NELL1: variants seen among roughly 807,000 people sequenced by gnomAD.
The protein encoded by NELL1 is neural EGFL like 1.
In NELL1, 76 loss-of-function variants were observed where a neutral mutation model predicts 107.4. The ratio of observed to expected loss-of-function variants is 0.71; its 90% confidence interval spans 0.59 to 0.86. NELL1 has a LOEUF of 0.86. Ranked by LOEUF, NELL1 falls within the 40% of genes least tolerant of loss-of-function variation. NELL1 has a pLI of 0.00. For synonymous variants in NELL1, 353 were observed against 341.2 expected, an observed-to-expected ratio of 1.03 and a Z score of -0.38; for missense variants, 1,024 against 1,005.5, an observed-to-expected ratio of 1.02 and a Z score of -0.25.
At chr11:21,065,871 G>T (rs1319137165) in intron 12 of NELL1, among the ~76,000 whole-genome samples, 1 of 152,112 alleles carries the variant, frequency 6.6e-6, no homozygotes, top group Admixed American at 6.6e-5. Flanking sequence ...TTTAAAGATC[G>T]AGTTATTTTC....
At chr11:21,359,297 G>A (rs1851017580) in intron 14 of NELL1, among the ~76,000 whole-genome samples, 1 of 152,136 alleles carries the variant, frequency 6.6e-6, no homozygotes, top group Non-Finnish European at 1.5e-5. Context: ...ACTTGTGTAT[G>A]TTAAACCATC....
At chr11:21,054,750 T>C (rs1383599516) in intron 12 of NELL1, among the ~76,000 whole-genome samples, 2 of 152,112 alleles carry the variant, frequency 1.3e-5, no homozygotes, top group African/African-American at 4.8e-5. Flanking sequence ...TGCAAATTGA[T>C]GTCCTTTGCT....
In NELL1 at chr11:20,783,762, T is replaced by C. The variant is rs749629115; in HGVS notation, c.267T>C (p.Ile89=). 7 of 1,613,832 alleles carry C rather than the reference T, an allele frequency of 4.3e-6. No homozygotes were observed. In the East Asian group the frequency reaches 1.6e-4, roughly 36 times the overall value. ...TCCGGAACAAGAGTGAATTCACCAT[T>C]TTGGCCACTGTACAGCAGAAGCCAT... ...QLFRNKSEFT[I]LATVQQKPST... Residue 89 remains isoleucine (I), a synonymous_variant, in exon 3 of 20, where the codon ATT becomes ATC. Coordinates refer to ENST00000357134, the MANE Select transcript of NELL1 (RefSeq NM_006157.5).
At chr11:20,825,456 C>T (rs1390392610) in intron 3 of NELL1, among the ~76,000 whole-genome samples, 1 of 151,438 alleles carries the variant, frequency 6.6e-6, no homozygotes, top group East Asian at 1.9e-4. Context: ...GGCAGAGTTG[C>T]CCAAGGCCAT....
At chr11:21,444,810 C>G (rs1464373250) in intron 15 of NELL1, among the ~76,000 whole-genome samples, 2 of 152,104 alleles carry the variant, frequency 1.3e-5, no homozygotes, top group African/African-American at 4.8e-5. Context: ...CTATCCAGTA[C>G]TAGCTCTTAT....
At chr11:20,806,747 T>G (rs1263424570) in intron 3 of NELL1, among the ~76,000 whole-genome samples, 1 of 152,122 alleles carries the variant, frequency 6.6e-6, no homozygotes, top group Admixed American at 6.6e-5. Flanking sequence ...ATTTATTTAT[T>G]TGTCTCCTCT....
At chr11:21,552,368 G>C (rs573270771) in intron 16 of NELL1, among the ~76,000 whole-genome samples, 1 of 151,724 alleles carries the variant, frequency 6.6e-6, no homozygotes, top group Non-Finnish European at 1.5e-5. Context: ...ATTTATCAGA[G>C]AGTCTGCTCA....
chr11:21,526,589 CT>C (rs1855861616), intron 15 of NELL1, among the ~76,000 whole-genome samples: 1 of 152,214 alleles, frequency 6.6e-6, no homozygotes, highest in Admixed American at 6.5e-5. Flanking sequence ...TAGCAAATTT[CT>C]ACCTGGACAT....
intron 4 of NELL1, among the ~76,000 whole-genome samples, chr11:20,884,049 A>G (rs770067689): frequency 2.0e-5 from 3 of 152,188 alleles, no homozygotes; most frequent in African/African-American, 4.8e-5. Flanking sequence ...GTCCACTTAT[A>G]ATGGAAGGAT....
At chr11:21,565,535 G>T (rs1465607539) in intron 17 of NELL1, among the ~76,000 whole-genome samples, 3 of 151,862 alleles carry the variant, frequency 2.0e-5, no homozygotes, top group Admixed American at 6.6e-5. Flanking sequence ...GCATTTTTCA[G>T]TAGTTCCCAG....
intron 15 of NELL1, among the ~76,000 whole-genome samples, chr11:21,497,338 A>C (rs1223491878): frequency 6.6e-6 from 1 of 152,092 alleles, no homozygotes; most frequent in Non-Finnish European, 1.5e-5. Context: ...AAGTAGACCA[A>C]ATATTGTCAT....
At chr11:21,521,966 G>T (rs1207105680) in intron 15 of NELL1, among the ~76,000 whole-genome samples, 1 of 152,058 alleles carries the variant, frequency 6.6e-6, no homozygotes, top group Non-Finnish European at 1.5e-5. Context: ...TTAGTTGTTG[G>T]GTTGTTTGTG....
chr11:21,001,315 T>C lies in NELL1; in HGVS notation c.1300+40755T>C, dbSNP rs764928830. 7.2e-5 allele frequency among the ~76,000 whole-genome samples: 11 copies of C among 152,290 alleles called. No individual in the cohort carries two copies. In the South Asian group the frequency reaches 1.5e-3, roughly 20 times the overall value. On this transcript the variant is annotated intron_variant, in intron 12 of 19. Coordinates refer to ENST00000357134, the MANE Select transcript of NELL1 (RefSeq NM_006157.5). Reference sequence around the variant, plus strand: ...TAAGTTGTTCCCACTTTTTCCCACATTGGAAAGGGGAGAGGTGGATTCTGT... The same window carrying C: ...TAAGTTGTTCCCACTTTTTCCCACACTGGAAAGGGGAGAGGTGGATTCTGT...
chr11:21,199,901 G>T (rs943166553), intron 13 of NELL1, among the ~76,000 whole-genome samples: 2 of 151,822 alleles, frequency 1.3e-5, no homozygotes, highest in African/African-American at 4.8e-5. Flanking sequence ...GCGGTGTTTG[G>T]TTTTCTGTTC....
At chr11:21,309,286 ATATATATATATATGT>A (rs1849688117) in intron 14 of NELL1, among the ~76,000 whole-genome samples, 1 of 109,206 alleles carries the variant, frequency 9.2e-6, no homozygotes, top group African/African-American at 4.4e-5. Context: ...ATATGTATAT[ATATATATATATATGT>A]ATATATATAT....
intron 16 of NELL1, among the ~76,000 whole-genome samples, chr11:21,547,473 G>A (rs1323435107): frequency 6.6e-6 from 1 of 151,868 alleles, no homozygotes; most frequent in Non-Finnish European, 1.5e-5. Flanking sequence ...GTTCTAAGCT[G>A]AGGAGTTGCA....
At position 21,534,414 on chromosome 11, in the gene NELL1, C is replaced by T. The variant is rs535717709; in HGVS notation, c.1686C>T (p.Asn562=). 2.5e-6 allele frequency: 4 copies of T among 1,613,846 alleles called. No homozygotes were observed. In the African/African-American group the frequency reaches 5.3e-5, roughly 22 times the overall value. ...ECSEGIIECH[N]HSRCVNLPGW... ...CAGAGGGAATCATTGAGTGCCACAA[C>T]CATTCCCGCTGCGTTAACCTGCCAG... Residue 562 remains asparagine (N), a synonymous_variant, in exon 16 of 20, where the codon AAC becomes AAT. Coordinates refer to ENST00000357134, the MANE Select transcript of NELL1 (RefSeq NM_006157.5).
intron 3 of NELL1, among the ~76,000 whole-genome samples, chr11:20,826,851 G>A (rs775537843): frequency 6.6e-6 from 1 of 151,200 alleles, no homozygotes; most frequent in African/African-American, 2.4e-5. Flanking sequence ...CAGACTGGAC[G>A]TCAGTAGAGA....
At chr11:21,495,620 C>T (rs1313113284) in intron 15 of NELL1, among the ~76,000 whole-genome samples, 1 of 152,120 alleles carries the variant, frequency 6.6e-6, no homozygotes, top group Non-Finnish European at 1.5e-5. Flanking sequence ...TTTACACGCC[C>T]ACCAGCAATG....
Sources: gnomAD v4.1 joint callset for allele counts (sites outside exome capture counted in the v4.1 genomes callset) on GRCh38, gnomAD v4.1.1 for gene constraint, MANE v1.5 for transcripts, NCBI Gene and HGNC (gene_info 2026-07-23, HGNC 2026-07-21) for gene names.